Variants in EPHA6 observed in about 807,000 individuals in gnomAD.
The protein encoded by EPHA6 is ephrin type-A receptor 6.
A neutral mutation model predicts 112.0 loss-of-function variants in EPHA6; 50 were observed. The ratio of observed to expected loss-of-function variants is 0.45; its 90% CI spans 0.36 to 0.56. The LOEUF (loss-of-function observed/expected upper bound fraction) is 0.56. Among genes scored for constraint, EPHA6 ranks in the 20% least tolerant of loss-of-function variants. The probability of loss-of-function intolerance (pLI) is 0.00; values close to 1 mark genes in which losing one functional copy is unlikely to be tolerated. For missense variants in EPHA6, 1,280 were observed against 1,417.4 expected (o/e 0.90, Z 1.56); for synonymous variants, 529 against 490.7 (o/e 1.08, Z -1.03).
intron 3 of EPHA6, among the ~76,000 whole-genome samples, chr3:97,223,517 C>G (rs1286627867): frequency 6.6e-6 from 1 of 152,082 alleles, no homozygotes; most frequent in Non-Finnish European, 1.5e-5. Context: ...AGCGAAGTAT[C>G]TGAAGGAACA....
intron 1 of EPHA6, among the ~76,000 whole-genome samples, chr3:96,827,801 A>G (rs2033765856): frequency 6.6e-6 from 1 of 152,164 alleles, no homozygotes; most frequent in Non-Finnish European, 1.5e-5. Context: ...GGGCATGTGC[A>G]TCAACAGGGG....
Position 97,610,794 on chromosome 3 carries a change from C to A in EPHA6, c.2514C>A (p.Gly838=). 6.2e-7 allele frequency: 1 copy of A among 1,610,986 alleles called. No individual in the cohort carries two copies. The highest frequency in any genetic ancestry group is 8.5e-7 in the Non-Finnish European group (1 of 1,177,968). The change falls in exon 13 of 18, where the codon GGC becomes GGA. Residue 838 remains glycine (G), a splice_region_variant and synonymous_variant. Coordinates refer to ENST00000389672, the MANE Select transcript of EPHA6 (RefSeq NM_001080448.3). Reference sequence around the variant, plus strand: ...GTGTATTCTCTTGCTCTTTTGCAGGCAGACCAGTAATGATTGTGGTGGAAT... The same window carrying A: ...GTGTATTCTCTTGCTCTTTTGCAGGAAGACCAGTAATGATTGTGGTGGAAT... ...GGSLPPRIPA[G]RPVMIVVEYM...
intron 5 of EPHA6, among the ~76,000 whole-genome samples, chr3:97,390,732 G>A (rs1577208938): frequency 6.6e-6 from 1 of 151,916 alleles, no homozygotes; most frequent in East Asian, 1.9e-4. Context: ...TCACCAATTA[G>A]AATTTTACTG....
chr3:97,194,058 G>T (rs1397123676), intron 3 of EPHA6, among the ~76,000 whole-genome samples: 3 of 151,592 alleles, frequency 2.0e-5, no homozygotes, highest in Non-Finnish European at 4.4e-5. Context: ...GTGTTTTATT[G>T]TTTCAATTTT....
intron 3 of EPHA6, among the ~76,000 whole-genome samples, chr3:97,022,671 A>G (rs2044502453): frequency 6.6e-6 from 1 of 152,134 alleles, no homozygotes; most frequent in Non-Finnish European, 1.5e-5. Context: ...CACTTACTCT[A>G]GATGTCCTCT....
chr3:97,122,942 ACT>A (rs1262058541), intron 3 of EPHA6, among the ~76,000 whole-genome samples: 14 of 151,950 alleles, frequency 9.2e-5, no homozygotes, highest in Admixed American at 2.0e-4. Context: ...TTATAATAAC[ACT>A]GTTTTGTTTA....
intron 1 of EPHA6, among the ~76,000 whole-genome samples, chr3:96,848,122 G>C (rs550016100): frequency 6.6e-6 from 1 of 151,930 alleles, no homozygotes. Context: ...TTCATTAAAT[G>C]TATCTTACAA....
chr3:97,742,604 TC>T (rs2035552195), intron 16 of EPHA6, among the ~76,000 whole-genome samples: 1 of 152,132 alleles, frequency 6.6e-6, no homozygotes, highest in South Asian at 2.1e-4. Context: ...ATAATTAATG[TC>T]CTTAACACTG....
intron 13 of EPHA6, among the ~76,000 whole-genome samples, chr3:97,613,434 C>T (rs2093737187): frequency 6.6e-6 from 1 of 152,094 alleles, no homozygotes; most frequent in African/African-American, 2.4e-5. Flanking sequence ...GTCTCCCACA[C>T]TATTTGAAAA....
At chr3:96,920,452 GTTTAC>G (rs1040257354) in intron 2 of EPHA6, among the ~76,000 whole-genome samples, 11 of 151,922 alleles carry the variant, frequency 7.2e-5, no homozygotes, top group Admixed American at 3.9e-4. Context: ...TTTACTGAAT[GTTTAC>G]TTTAGTGCCA....
At chr3:97,386,804 C>G (rs2086096998) in intron 5 of EPHA6, among the ~76,000 whole-genome samples, 1 of 152,206 alleles carries the variant, frequency 6.6e-6, no homozygotes, top group African/African-American at 2.4e-5. Flanking sequence ...TGGCTCTTCC[C>G]CTGCAACAGA....
chr3:97,042,513 G>A (rs1159397824), intron 3 of EPHA6, among the ~76,000 whole-genome samples: 1 of 152,048 alleles, frequency 6.6e-6, no homozygotes, highest in African/African-American at 2.4e-5. Flanking sequence ...TCTTATCTCA[G>A]CCCAAATTAT....
At chr3:97,748,461 A>AT in intron 17 of EPHA6, 126 bp from the exon 18 acceptor site, 1 of 620,764 alleles carries the variant, frequency 1.6e-6, no homozygotes, top group Non-Finnish European at 2.9e-6. Context: ...TATTTAATAT[A>AT]TTTAAATATT....
intron 13 of EPHA6, among the ~76,000 whole-genome samples, chr3:97,626,446 T>G (rs1201465343): frequency 6.6e-6 from 1 of 151,776 alleles, no homozygotes; most frequent in Non-Finnish European, 1.5e-5. Flanking sequence ...AAACTATGGT[T>G]TGTAGAGCAT....
chr3:96,922,691 T>C (rs2318071), intron 2 of EPHA6, among the ~76,000 whole-genome samples: 39,468 of 151,764 alleles, frequency 0.26, 9,710 homozygotes, highest in African/African-American at 0.63. Flanking sequence ...GCAGGATGTG[T>C]GGGTTTGTTA....
At chr3:97,446,278 C>G (rs1298631661) in intron 6 of EPHA6, among the ~76,000 whole-genome samples, 1 of 151,904 alleles carries the variant, frequency 6.6e-6, no homozygotes, top group Non-Finnish European at 1.5e-5. Context: ...AAGGCAGCAG[C>G]ACTCACCGGT....
chr3:97,469,751 G>C (rs577908009), intron 7 of EPHA6, among the ~76,000 whole-genome samples: 1 of 151,764 alleles, frequency 6.6e-6, no homozygotes, highest in African/African-American at 2.4e-5. Context: ...TCTAGGCAAT[G>C]GGAAATGTTC....
chr3:97,507,552 C>T (rs954890969), intron 10 of EPHA6, among the ~76,000 whole-genome samples: 3 of 151,942 alleles, frequency 2.0e-5, no homozygotes, highest in African/African-American at 7.3e-5. Flanking sequence ...GATATGCTGG[C>T]AGATCGTTTT....
At chr3:97,520,838 T>G (rs1397530980) in intron 10 of EPHA6, among the ~76,000 whole-genome samples, 1 of 152,204 alleles carries the variant, frequency 6.6e-6, no homozygotes, top group Non-Finnish European at 1.5e-5. Flanking sequence ...CATTGAAAAT[T>G]TGAATATTTG....
Sources: allele counts gnomAD v4.1 joint callset (sites outside exome capture counted in the v4.1 genomes callset), GRCh38; gene constraint gnomAD v4.1.1; transcripts MANE v1.5; gene names NCBI Gene and HGNC (gene_info 2026-07-23, HGNC 2026-07-21).